Variants in RGL1 observed in about 807,000 individuals in gnomAD.
The protein encoded by RGL1 is ral guanine nucleotide dissociation stimulator like 1.
A neutral mutation model predicts 95.2 loss-of-function variants in RGL1; 24 were observed. The ratio of observed to expected loss-of-function variants is 0.25; its 90% CI spans 0.18 to 0.35. The LOEUF is 0.35. Among genes scored for constraint, RGL1 ranks in the 10% least tolerant of loss-of-function variants. The pLI, the probability that RGL1 is intolerant of heterozygous loss-of-function variation, is 1.00. For missense variants in RGL1, 715 were observed against 936.3 expected (o/e 0.76, Z 3.08); for synonymous variants, 329 against 344.9 (o/e 0.95, Z 0.51).
At chr1:183,741,477 G>A (rs1324991889) in intron 1 of RGL1, among the ~76,000 whole-genome samples, 1 of 152,234 alleles carries the variant, frequency 6.6e-6, no homozygotes, top group Non-Finnish European at 1.5e-5. Flanking sequence ...CAAGGCCCAA[G>A]AAAGTGCATA....
chr1:183,673,988 T>G (rs1376696044), intron 1 of RGL1, among the ~76,000 whole-genome samples: 1 of 152,214 alleles, frequency 6.6e-6, no homozygotes, highest in Admixed American at 6.5e-5. Flanking sequence ...CCAACCTACC[T>G]GAATTATGTC....
intron 3 of RGL1, among the ~76,000 whole-genome samples, chr1:183,863,012 C>T (rs1392238680): frequency 1.3e-5 from 2 of 152,206 alleles, no homozygotes; most frequent in African/African-American, 2.4e-5. Flanking sequence ...GAAGGCCTCA[C>T]TGATAAAGTG....
intron 2 of RGL1, among the ~76,000 whole-genome samples, chr1:183,831,529 A>G (rs1663256691): frequency 1.3e-5 from 2 of 152,214 alleles, no homozygotes; most frequent in African/African-American, 4.8e-5. Context: ...ATCACCATGG[A>G]TGCCATAAGA....
At position 183,662,053 on chromosome 1, in the gene RGL1, A is replaced by T. The variant is rs533337346; in HGVS notation, c.-33+25552A>T. On this transcript the variant is annotated intron_variant, in intron 1 of 18. Transcript: ENST00000304685. ...TCTCAATAAATTAGGTATTGATGGG[A>T]CATATTTCAAGATAATAAGAGCTAT... Among the ~76,000 whole-genome samples the T allele has an allele frequency of 5.7e-4, 86 of 149,900 alleles. 3 individuals are homozygous for T. The highest frequency in any genetic ancestry group is 2.1e-3 in the African/African-American group (85 of 39,558).
chr1:183,881,869 A>G (rs1430797939), intron 5 of RGL1, among the ~76,000 whole-genome samples: 1 of 152,230 alleles, frequency 6.6e-6, no homozygotes, highest in Non-Finnish European at 1.5e-5. Flanking sequence ...TGCGGACCTC[A>G]GCTCCCTTCA....
chr1:183,902,946 A>G (rs1342525095), intron 12 of RGL1, among the ~76,000 whole-genome samples: 2 of 152,220 alleles, frequency 1.3e-5, no homozygotes, highest in Non-Finnish European at 1.5e-5. Flanking sequence ...TAGCTTCAGC[A>G]ATAGCAGGCT....
At chr1:183,684,247 A>T (rs1200072032) in intron 1 of RGL1, among the ~76,000 whole-genome samples, 1 of 152,122 alleles carries the variant, frequency 6.6e-6, no homozygotes, top group Non-Finnish European at 1.5e-5. Context: ...GAGAAGAGGC[A>T]TTCTGGTTTT....
intron 2 of RGL1, among the ~76,000 whole-genome samples, chr1:183,751,975 G>A (rs1341561758): frequency 1.3e-5 from 2 of 152,134 alleles, no homozygotes; most frequent in Admixed American, 6.5e-5. Context: ...GGGAGCTGCA[G>A]ACTGGAGCTG....
chr1:183,876,406 A>G (rs1335165463), intron 4 of RGL1, among the ~76,000 whole-genome samples: 1 of 152,196 alleles, frequency 6.6e-6, no homozygotes, highest in Non-Finnish European at 1.5e-5. Flanking sequence ...AGAAAACTCA[A>G]TTTTGGTTGT....
chr1:183,916,085 G>A (rs1003952766), intron 15 of RGL1, among the ~76,000 whole-genome samples: 1 of 152,212 alleles, frequency 6.6e-6, no homozygotes, highest in East Asian at 1.9e-4. Context: ...GCGTTGGCAA[G>A]GCTTTCCTCC....
rs1020240073 is a variant in RGL1 at position 183,919,641 on chromosome 1, T to G, written c.2005-2581T>G. Among the ~76,000 whole-genome samples the G allele has an allele frequency of 4.8e-4, 73 of 152,142 alleles. 2 individuals are homozygous for G. Among genetic ancestry groups the G allele is most frequent in the Admixed American group, 4.8e-3 (73 of 15,266 alleles). The stretch of plus-strand genomic sequence containing the variant: ...AAGAAGAGACAGCAATTAGCCCTTG[T>G]AAAATTACCTCCTCAGTGACCATGG... On this transcript the variant is annotated intron_variant, in intron 16 of 17. Transcript: ENST00000360851.
At chr1:183,889,821 A>G (rs1437672864) in intron 8 of RGL1, among the ~76,000 whole-genome samples, 1 of 152,224 alleles carries the variant, frequency 6.6e-6, no homozygotes, top group African/African-American at 2.4e-5. Flanking sequence ...TGTTTATGAC[A>G]TCAATATTTA....
At chr1:183,675,660 C>T (rs1256127897) in intron 1 of RGL1, among the ~76,000 whole-genome samples, 3 of 152,134 alleles carry the variant, frequency 2.0e-5, no homozygotes, top group African/African-American at 7.2e-5. Flanking sequence ...CCTGCAGTAT[C>T]CCTTACAATT....
At chr1:183,889,367 G>C (rs1041094927) in intron 8 of RGL1, among the ~76,000 whole-genome samples, 1 of 152,146 alleles carries the variant, frequency 6.6e-6, no homozygotes, top group Non-Finnish European at 1.5e-5. Context: ...AGGAAGTTAG[G>C]CTATATCAGG....
In RGL1 at chr1:183,805,259, G is replaced by C. The variant is rs748160410; in HGVS notation, c.-39G>C. 58 of 1,608,436 alleles carry C rather than the reference G, an allele frequency of 3.6e-5. No individual in the cohort carries two copies. Among genetic ancestry groups the C allele is most frequent in the Non-Finnish European group, 4.9e-5 (58 of 1,177,950 alleles). On this transcript the variant is annotated 5_prime_UTR_variant, in exon 1 of 18. Coordinates refer to ENST00000360851, the MANE Select transcript of RGL1 (RefSeq NM_001297671.3). ...CATTGCGTTGGCCTCCGAGCAGGGCGCATCATGCAGCGTTCGCGCACCGGA... is the reference window on the plus strand; with the variant it reads ...CATTGCGTTGGCCTCCGAGCAGGGCCCATCATGCAGCGTTCGCGCACCGGA...
chr1:183,746,537 A>G (rs1036955444), intron 2 of RGL1, among the ~76,000 whole-genome samples: 8 of 151,794 alleles, frequency 5.3e-5, no homozygotes, highest in Non-Finnish European at 1.0e-4. Flanking sequence ...ATGATTAATT[A>G]TTCATCGTTA....
At chr1:183,805,598 G>C in intron 1 of RGL1, among the ~76,000 whole-genome samples, 1 of 152,238 alleles carries the variant, frequency 6.6e-6, no homozygotes, top group South Asian at 2.1e-4. Flanking sequence ...CTGTTAGTGT[G>C]GGTGAACCGC....
At chr1:183,903,133 T>A (rs1199407373) in intron 12 of RGL1, among the ~76,000 whole-genome samples, 1 of 152,150 alleles carries the variant, frequency 6.6e-6, no homozygotes, top group African/African-American at 2.4e-5. Context: ...ATACAAACAA[T>A]TTTTTAATTT....
At chr1:183,901,875 G>C (rs909300167) in intron 11 of RGL1, among the ~76,000 whole-genome samples, 5 of 152,178 alleles carry the variant, frequency 3.3e-5, no homozygotes, top group African/African-American at 1.2e-4. Flanking sequence ...CTACCCCCTT[G>C]TTATCATATG....
Sources: gnomAD v4.1 joint callset for allele counts (sites outside exome capture counted in the v4.1 genomes callset) on GRCh38, gnomAD v4.1.1 for gene constraint, MANE v1.5 for transcripts, NCBI Gene and HGNC (gene_info 2026-07-23, HGNC 2026-07-21) for gene names.